PDXDC1: variants seen among roughly 807,000 people sequenced by gnomAD.
The protein encoded by PDXDC1 is pyridoxal-dependent decarboxylase domain-containing protein 1.
Under a neutral mutation model 100.1 loss-of-function variants are expected in PDXDC1, and 42 were observed. The observed-to-expected ratio is 0.42, with a 90% CI of 0.33 to 0.54. The LOEUF (loss-of-function observed/expected upper bound fraction) is 0.54, where lower values mean the gene tolerates loss of function less well. Among genes scored for constraint, PDXDC1 ranks in the 20% least tolerant of loss-of-function variants. The pLI is 0.10. For synonymous variants in PDXDC1, 260 were observed against 371.7 expected (o/e 0.70, Z 3.46); for missense variants, 636 against 979.2 (o/e 0.65, Z 4.68).
intron 16 of PDXDC1, chr16:15,085,606 C>T (rs756274374): frequency 4.4e-6 from 7 of 1,604,050 alleles, no homozygotes; most frequent in Non-Finnish European, 6.0e-6. Context: ...GTGAAAGCTA[C>T]TGTGCCCAGG....
rs772557386 is a variant in PDXDC1, at chr16:15,130,692, C to A, written c.1400-8187C>A. 7 of 1,477,400 alleles carry A rather than the reference C, an allele frequency of 4.7e-6. No individual in the cohort carries two copies. The South Asian group carries it at 5.7e-5, about 12-fold the overall frequency. 91.5% of individuals were successfully genotyped at this position (1,477,400 alleles called of 1,614,324 possible). ...GTCGGCACCCTGGAGGGACTCTGGG[C>A]GGATCCTCCTGCTAGCCGAGCAGTT... On this transcript the variant is annotated intron_variant, in intron 16 of 16. Transcript: ENST00000535621.
intron 16 of PDXDC1, chr16:15,094,300 G>C (rs1349844069): frequency 3.7e-6 from 5 of 1,356,666 alleles, no homozygotes; most frequent in South Asian, 1.3e-5. Flanking sequence ...CACAGCCTCT[G>C]TCCCGGAAGT....
chr16:15,054,374 ACTTAAGT>A (rs1240174525), intron 16 of PDXDC1, among the ~76,000 whole-genome samples: 1 of 152,046 alleles, frequency 6.6e-6, no homozygotes, highest in Admixed American at 6.6e-5. Flanking sequence ...CTCCCTCCAC[ACTTAAGT>A]GTGCAGCCCG....
At chr16:14,979,881 G>C (rs1967563899) in intron 1 of PDXDC1, among the ~76,000 whole-genome samples, 1 of 152,290 alleles carries the variant, frequency 6.6e-6, no homozygotes, top group African/African-American at 2.4e-5. Flanking sequence ...CCCCTGTTAG[G>C]CAAGGTTGAA....
intron 17 of PDXDC1, 47 bp downstream of exon 17, chr16:15,031,953 A>G (rs771725342): frequency 1.4e-6 from 2 of 1,470,926 alleles, no homozygotes; most frequent in Non-Finnish European, 9.3e-7. Context: ...TTCTGTATAA[A>G]GAACATGAGT....
chr16:15,038,520 ATG>A (rs2043651186), downstream of PDXDC1: 3 of 1,010,982 alleles, frequency 3.0e-6, no homozygotes, highest in Non-Finnish European at 4.6e-6. Flanking sequence ...TTTCTTACAG[ATG>A]GGGAAACCAG....
chr16:15,061,569 C>CA lies in PDXDC1; in HGVS notation c.1399+31520dup, dbSNP rs1388614020. 1.2e-5 allele frequency: 6 copies of CA among 504,860 alleles called. 1 individual carries two copies. Among genetic ancestry groups the CA allele is most frequent in the South Asian group, 4.0e-5 (1 of 25,094 alleles). 31.3% of individuals were successfully genotyped at this position (504,860 alleles called of 1,614,324 possible). A position where few individuals can be genotyped will look rare whatever the true frequency, so the allele number is the denominator to read the frequency against. ...TTGTCTGTAAGGGGAACAACAACAA[C>CA]AAAAAAACCCAGTCTTCAGATGCTT... On this transcript the variant is annotated intron_variant, in intron 16 of 16. Coordinates refer to the PDXDC1 transcript ENST00000535621.
intron 16 of PDXDC1, chr16:15,094,467 G>A: frequency 1.7e-6 from 1 of 573,848 alleles, no homozygotes; most frequent in Non-Finnish European, 3.1e-6. Context: ...GAGACGGGAA[G>A]GACCGGCTCC....
Position 14,997,775 on chromosome 16 carries a change from A to C in PDXDC1, c.44A>C (p.Glu15Ala). ...LEKIADPTLA[E>A]MGKNLKEAVK... ...CAGATAGCAGACCCCACGTTAGCTG[A>C]AATGGGAAAAAACTTGAAGGAGGCA... Residue 15 changes from glutamate (E) to alanine (A), a missense_variant, in exon 2 of 23, where the codon GAA becomes GCA. Coordinates refer to ENST00000396410, the MANE Select transcript of PDXDC1 (RefSeq NM_015027.4). 1 of 1,611,392 alleles carries C rather than the reference A, an allele frequency of 6.2e-7. No homozygotes were observed. The highest frequency in any genetic ancestry group is 2.2e-5 in the East Asian group (1 of 44,630).
intron 16 of PDXDC1, among the ~76,000 whole-genome samples, chr16:15,076,863 T>C (rs1228879071): frequency 5.9e-5 from 9 of 152,154 alleles, no homozygotes; most frequent in Admixed American, 5.9e-4. Context: ...CCCCTTTTAC[T>C]ACATACTTAT....
chr16:15,052,121 C>G (rs1033279322), intron 16 of PDXDC1, among the ~76,000 whole-genome samples: 1 of 152,072 alleles, frequency 6.6e-6, no homozygotes, highest in East Asian at 1.9e-4. Context: ...AAAGGCCAGA[C>G]AGTAAATATT....
At chr16:15,140,447 C>CAAAAAAAA (rs888007915), downstream of PDXDC1, among the ~76,000 whole-genome samples, 4 of 39,030 alleles carry the variant, frequency 1.0e-4, no homozygotes, top group African/African-American at 3.8e-4. Context: ...AGCTCCATCT[C>CAAAAAAAA]AAAAAAAAAA....
chr16:15,146,585 G>T, the PDXDC1 span, among the ~76,000 whole-genome samples: 1 of 152,116 alleles, frequency 6.6e-6, no homozygotes, highest in Admixed American at 6.5e-5. Context: ...CAGCCACGCG[G>T]CCCTGCGCTG....
chr16:15,082,283 G>GT (rs753449233), intron 16 of PDXDC1, among the ~76,000 whole-genome samples: 1 of 152,096 alleles, frequency 6.6e-6, no homozygotes, highest in Non-Finnish European at 1.5e-5. Flanking sequence ...GGATATTGGT[G>GT]TTTGTCACAC....
At chr16:15,099,482 C>G (rs937523710) in intron 16 of PDXDC1, among the ~76,000 whole-genome samples, 7 of 146,006 alleles carry the variant, frequency 4.8e-5, no homozygotes, top group African/African-American at 1.7e-4. Flanking sequence ...TGCATAATTT[C>G]TGTTGTAATT....
chr16:15,036,816 C>G lies in PDXDC1; in HGVS notation c.*541C>G, dbSNP rs2043482254. 1 of 159,584 alleles carries G rather than the reference C, an allele frequency of 6.3e-6. No homozygotes were observed. The highest frequency in any genetic ancestry group is 3.3e-3 in the Middle Eastern group (1 of 300). 9.9% of individuals were successfully genotyped at this position (159,584 alleles called of 1,614,324 possible). ...CATCAGAAGCCCTCCCCAGCTACTG[C>G]TCTTCGTGGAGACTTAGTAAGGACT... On this transcript the variant is annotated 3_prime_UTR_variant, in exon 23 of 23. Coordinates refer to ENST00000396410, the MANE Select transcript of PDXDC1 (RefSeq NM_015027.4).
intron 16 of PDXDC1, chr16:15,083,368 C>T: frequency 7.5e-7 from 1 of 1,325,838 alleles, no homozygotes; most frequent in Non-Finnish European, 1.0e-6. Context: ...CATTGCACTC[C>T]AGCTTGGGCG....
At chr16:15,065,233 G>A (rs769854395) in intron 16 of PDXDC1, 5 of 1,613,290 alleles carry the variant, frequency 3.1e-6, no homozygotes, top group Non-Finnish European at 4.2e-6. Flanking sequence ...TCAGCACACA[G>A]GGATCAAAGG....
chr16:15,130,326 C>G (rs1485920158), intron 16 of PDXDC1: 3 of 1,547,324 alleles, frequency 1.9e-6, no homozygotes, highest in Non-Finnish European at 2.6e-6. Flanking sequence ...CCCCTCTGTC[C>G]GCCACACCAC....
Sources: gnomAD v4.1 joint callset for allele counts (sites outside exome capture counted in the v4.1 genomes callset) on GRCh38, gnomAD v4.1.1 for gene constraint, MANE v1.5 for transcripts, NCBI Gene and HGNC (gene_info 2026-07-23, HGNC 2026-07-21) for gene names.